Variants in SLC2A13 observed in about 807,000 individuals in gnomAD.
SLC2A13 encodes the protein proton myo-inositol cotransporter.
SLC2A13 carries 32 observed loss-of-function variants against 64.4 expected under a neutral mutation model. The observed-to-expected ratio is 0.50, with a 90% confidence interval of 0.37 to 0.67. The LOEUF (loss-of-function observed/expected upper bound fraction) is 0.67. Ranked by LOEUF, SLC2A13 falls within the 30% of genes least tolerant of loss-of-function variation. The probability of loss-of-function intolerance (pLI) is 0.00; values close to 1 mark genes in which losing one functional copy is unlikely to be tolerated. For synonymous variants in SLC2A13, 338 were observed against 327.1 expected, an observed-to-expected ratio of 1.03 and a Z score of -0.36; for missense variants, 743 against 829.2, an observed-to-expected ratio of 0.90 and a Z score of 1.28.
At chr12:39,958,892 T>G (rs150145175) in intron 3 of SLC2A13, among the ~76,000 whole-genome samples, 41 of 152,182 alleles carry the variant, frequency 2.7e-4, no homozygotes, top group Admixed American at 1.2e-3. Context: ...CTCTGTTCCA[T>G]AGTGAATTAT....
intron 3 of SLC2A13, among the ~76,000 whole-genome samples, chr12:39,981,954 A>G: frequency 2.8e-5 from 2 of 70,728 alleles, no homozygotes; most frequent in African/African-American, 5.8e-5. Flanking sequence ...CGAATCCAGC[A>G]GCACATCAAA....
rs560493451 is a variant in SLC2A13, at chr12:39,852,617, C to G, written c.1319+12145G>C. Reference sequence around the variant, plus strand: ...AGAATAGGGTCTGGAGGCAGGGAACCTAAGGCTGATTCATGCTGACTTCTA... The same window carrying G: ...AGAATAGGGTCTGGAGGCAGGGAACGTAAGGCTGATTCATGCTGACTTCTA... On this transcript the variant is annotated intron_variant, in intron 6 of 9. Transcript: ENST00000280871. Among the ~76,000 whole-genome samples, 27 of 152,274 alleles carry G rather than the reference C, an allele frequency of 1.8e-4. No homozygotes were observed. The South Asian group carries it at 5.2e-3, about 29-fold the overall frequency.
At chr12:40,043,734 GA>G (rs76244392) in intron 2 of SLC2A13, among the ~76,000 whole-genome samples, 16,792 of 148,774 alleles carry the variant, frequency 0.11, 1,038 homozygotes, top group Admixed American at 0.17. Flanking sequence ...AATATATTAG[GA>G]AAAAAAAAAG....
intron 4 of SLC2A13, among the ~76,000 whole-genome samples, chr12:39,883,430 CAAACT>C: frequency 6.6e-6 from 1 of 152,288 alleles, no homozygotes; most frequent in East Asian, 1.9e-4. Flanking sequence ...AACAATGATA[CAAACT>C]AGTCTTTTCT....
At chr12:40,071,945 C>A (rs1464854263) in intron 1 of SLC2A13, among the ~76,000 whole-genome samples, 1 of 151,954 alleles carries the variant, frequency 6.6e-6, no homozygotes, top group East Asian at 1.9e-4. Flanking sequence ...TTTACTATTT[C>A]TTATCTTCTG....
chr12:40,093,797 T>A (rs1055070620), intron 1 of SLC2A13, among the ~76,000 whole-genome samples: 2 of 151,372 alleles, frequency 1.3e-5, no homozygotes, highest in Non-Finnish European at 2.9e-5. Context: ...CAGTAGGAAA[T>A]CAAGTCAAAG....
intron 1 of SLC2A13, among the ~76,000 whole-genome samples, chr12:40,059,737 T>A (rs1948387332): frequency 1.3e-5 from 2 of 152,096 alleles, no homozygotes; most frequent in South Asian, 4.1e-4. Context: ...CATATCAAAA[T>A]GTGATCGGAC....
At chr12:39,977,208 A>T (rs938592506) in intron 3 of SLC2A13, among the ~76,000 whole-genome samples, 1 of 152,190 alleles carries the variant, frequency 6.6e-6, no homozygotes. Flanking sequence ...TATTAATCCC[A>T]TTGGGCAGAT....
intron 3 of SLC2A13, among the ~76,000 whole-genome samples, chr12:39,956,262 C>T (rs1290719292): frequency 1.3e-5 from 2 of 152,054 alleles, no homozygotes; most frequent in African/African-American, 4.8e-5. Flanking sequence ...ACTCTAAGTC[C>T]AAATAACTTG....
intron 3 of SLC2A13, among the ~76,000 whole-genome samples, chr12:39,999,202 G>C (rs1194065569): frequency 6.6e-6 from 1 of 152,110 alleles, no homozygotes; most frequent in Non-Finnish European, 1.5e-5. Context: ...AAACATGTGT[G>C]TTTGAACAAT....
In SLC2A13 at chr12:39,899,654, G is replaced by A. The variant is rs371895985; in HGVS notation, c.1035-27693C>T. Among the ~76,000 whole-genome samples, 44 of 152,156 alleles carry A rather than the reference G, an allele frequency of 2.9e-4. 1 individual carries two copies. The East Asian group carries it at 5.8e-3, about 20-fold the overall frequency. On this transcript the variant is annotated intron_variant, in intron 4 of 9. Transcript: ENST00000280871. ...TTTCCCTCTACACACTGCTTTGAAT[G>A]TGTCCCAGAGATTCTGGTATGTTGT... is the stretch of plus-strand genomic sequence containing the variant.
chr12:39,861,904 T>G (rs978177624), intron 6 of SLC2A13, among the ~76,000 whole-genome samples: 3 of 152,176 alleles, frequency 2.0e-5, no homozygotes, highest in African/African-American at 7.2e-5. Context: ...AGGATACATG[T>G]GCAGGACGTG....
At chr12:39,879,177 G>T (rs1203547951) in intron 4 of SLC2A13, among the ~76,000 whole-genome samples, 2 of 152,256 alleles carry the variant, frequency 1.3e-5, no homozygotes, top group Non-Finnish European at 2.9e-5. Flanking sequence ...GCGTGAGAAA[G>T]CCTGGGTGCC....
chr12:40,048,333 G>T, intron 1 of SLC2A13, 123 bp from the exon 2 acceptor site: 10 of 869,376 alleles, frequency 1.2e-5, no homozygotes, highest in African/African-American at 1.7e-5. Flanking sequence ...TTAAGCAAAG[G>T]TTTACCACAT....
intron 7 of SLC2A13, among the ~76,000 whole-genome samples, chr12:39,782,345 G>C (rs965036754): frequency 3.9e-5 from 6 of 152,004 alleles, no homozygotes; most frequent in South Asian, 4.2e-4. Flanking sequence ...TCATGGGGGC[G>C]GCCGGTCTTT....
chr12:39,931,798 A>T (rs543509333), intron 4 of SLC2A13, among the ~76,000 whole-genome samples: 54 of 152,314 alleles, frequency 3.5e-4, no homozygotes, highest in African/African-American at 1.3e-3. Context: ...CCCACAAAAC[A>T]AATGGTCAGA....
intron 6 of SLC2A13, among the ~76,000 whole-genome samples, chr12:39,854,016 T>A (rs931430834): frequency 6.6e-6 from 1 of 152,146 alleles, no homozygotes; most frequent in African/African-American, 2.4e-5. Flanking sequence ...TATGAGGGGC[T>A]TAAAACTCTT....
intron 5 of SLC2A13, among the ~76,000 whole-genome samples, chr12:39,870,682 A>G (rs1191111187): frequency 2.0e-5 from 3 of 152,102 alleles, no homozygotes; most frequent in Non-Finnish European, 4.4e-5. Context: ...GTTGGCAATC[A>G]TGTTTGCCCC....
In SLC2A13 at chr12:39,797,740, A is replaced by G. The variant is rs374994758; in HGVS notation, c.1445+32363T>C. 1.3e-3 allele frequency among the ~76,000 whole-genome samples: 172 copies of G among 131,474 alleles called. 2 individuals are homozygous for G. Among genetic ancestry groups the G allele is most frequent in the Middle Eastern group, 8.2e-3 (2 of 244 alleles). 86.3% of individuals were successfully genotyped at this position (131,474 alleles called of 152,430 possible). On this transcript the variant is annotated intron_variant, in intron 7 of 9. Coordinates refer to ENST00000280871, the MANE Select transcript of SLC2A13 (RefSeq NM_052885.4). ...CCAGTTATGGTAAACACACACACAC[A>G]CACACACACACACACACACACACAC...
Sources: allele counts gnomAD v4.1 joint callset (sites outside exome capture counted in the v4.1 genomes callset), GRCh38; gene constraint gnomAD v4.1.1; transcripts MANE v1.5; gene names NCBI Gene and HGNC (gene_info 2026-07-23, HGNC 2026-07-21).